FREM1: variants seen among roughly 807,000 people sequenced by gnomAD.
FREM1 encodes the protein FRAS1-related extracellular matrix protein 1.
A neutral mutation model predicts 210.1 loss-of-function variants in FREM1; 220 were observed. The observed-to-expected ratio is 1.05, with a 90% CI of 0.94 to 1.17. FREM1 has a LOEUF of 1.17. Ranked by LOEUF, FREM1 falls within the 50% of genes most tolerant of loss-of-function variation. FREM1 has a pLI of 0.00. For synonymous variants in FREM1, 1,189 were observed against 980.2 expected (o/e 1.21, Z -3.98); for missense variants, 3,454 against 2,675.5 (o/e 1.29, Z -6.42).
intron 34 of FREM1, 130 bp downstream of exon 34, chr9:14,746,793 C>A: frequency 2.6e-6 from 3 of 1,143,686 alleles, no homozygotes; most frequent in Non-Finnish European, 2.4e-6. Flanking sequence ...TTCCTCTTGG[C>A]CTTCAAGTTG....
chr9:14,785,181 C>T (rs997037466), intron 23 of FREM1, among the ~76,000 whole-genome samples: 1 of 152,146 alleles, frequency 6.6e-6, no homozygotes, highest in South Asian at 2.1e-4. Flanking sequence ...TACATGCAAC[C>T]CAAATGCCTT....
At chr9:14,884,148 G>C (rs937491632) in intron 1 of FREM1, among the ~76,000 whole-genome samples, 3 of 152,134 alleles carry the variant, frequency 2.0e-5, no homozygotes, top group African/African-American at 7.2e-5. Context: ...AGAATCTCTT[G>C]AACTTGGGAG....
intron 1 of FREM1, among the ~76,000 whole-genome samples, chr9:14,872,350 G>A (rs1832835813): frequency 6.6e-6 from 1 of 152,088 alleles, no homozygotes; most frequent in Admixed American, 6.5e-5. Flanking sequence ...TCATTGAGCA[G>A]TGGTTTGTAG....
chr9:14,880,736 G>C (rs908931637), intron 1 of FREM1, among the ~76,000 whole-genome samples: 1 of 151,870 alleles, frequency 6.6e-6, no homozygotes, highest in Non-Finnish European at 1.5e-5. Context: ...TAGATAACTT[G>C]AAAATAAACA....
chr9:14,770,863 C>T (rs1334771353), intron 25 of FREM1, 57 bp from the exon 26 acceptor site: 10 of 1,289,702 alleles, frequency 7.8e-6, no homozygotes, highest in South Asian at 2.6e-5. Context: ...CCCCATGCAA[C>T]GTTGGGCTTT....
chr9:14,869,330 G>A (rs984061926), intron 1 of FREM1, 86 bp from the exon 2 acceptor site: 1 of 204,760 alleles, frequency 4.9e-6, no homozygotes, highest in African/African-American at 2.3e-5. Context: ...ACCAACAAAG[G>A]GATCTTTCAA....
chr9:14,795,884 C>G (rs1852281237), intron 21 of FREM1, among the ~76,000 whole-genome samples: 1 of 152,118 alleles, frequency 6.6e-6, no homozygotes, highest in Non-Finnish European at 1.5e-5. Context: ...TGCCCCGGGG[C>G]CCTCACCCTG....
At position 14,850,175 on chromosome 9, in the gene FREM1, T is replaced by G. The variant is rs184234261; in HGVS notation, c.1152+1109A>C. ...TCTTTAAGCATGTGAAGCACTATTA[T>G]GTGGAAGACTTTAACCAGCTGTCCT... On this transcript the variant is annotated intron_variant, in intron 6 of 36. Transcript: ENST00000380880. Among the ~76,000 whole-genome samples the G allele has an allele frequency of 1.8e-3, 279 of 152,300 alleles. 1 individual carries two copies. The highest frequency in any genetic ancestry group is 0.01 in the Middle Eastern group (3 of 294).
intron 3 of FREM1, among the ~76,000 whole-genome samples, chr9:14,861,064 C>CATATACACAT (rs1830243830): frequency 7.3e-5 from 3 of 41,244 alleles, no homozygotes; most frequent in African/African-American, 2.1e-4. Context: ...CATATATACA[C>CATATACACAT]ATATACATAT....
intron 35 of FREM1, among the ~76,000 whole-genome samples, chr9:14,745,529 G>C (rs1392863060): frequency 1.3e-5 from 2 of 152,108 alleles, no homozygotes; most frequent in East Asian, 3.9e-4. Context: ...ACCTTTATCA[G>C]GTTTATGATT....
intron 5 of FREM1, among the ~76,000 whole-genome samples, chr9:14,854,647 G>A (rs981661072): frequency 6.6e-6 from 1 of 151,990 alleles, no homozygotes; most frequent in Admixed American, 6.6e-5. Context: ...CATCACTAGT[G>A]AAAGATATAA....
intron 1 of FREM1, among the ~76,000 whole-genome samples, chr9:14,881,472 G>C (rs1454535294): frequency 6.6e-6 from 1 of 152,096 alleles, no homozygotes; most frequent in African/African-American, 2.4e-5. Context: ...AATATGTTTT[G>C]GTTTAGCACT....
intron 20 of FREM1, among the ~76,000 whole-genome samples, chr9:14,801,261 G>A (rs572423308): frequency 6.6e-6 from 1 of 152,340 alleles, no homozygotes; most frequent in Non-Finnish European, 1.5e-5. Context: ...GTCTCCCAAA[G>A]TTTTGGGATT....
In FREM1 at chr9:14,765,103, T is replaced by C. The variant is rs150350103; in HGVS notation, c.5204+4621A>G. 2.6e-5 allele frequency among the ~76,000 whole-genome samples: 4 copies of C among 152,340 alleles called. No individual in the cohort carries two copies. In the East Asian group the frequency reaches 7.7e-4, roughly 29 times the overall value. On this transcript the variant is annotated intron_variant, in intron 27 of 36. Coordinates refer to ENST00000380880, the MANE Select transcript of FREM1 (RefSeq NM_001379081.2). ...TTAAATTACTATCCTTATAACTATA[T>C]CTTCATTTATAATCAAGTAGCATGT...
At chr9:14,823,018 T>C (rs1442040598) in intron 13 of FREM1, 142 bp downstream of exon 13, 4 of 517,568 alleles carry the variant, frequency 7.7e-6, no homozygotes, top group East Asian at 6.6e-5. Context: ...TTTTTTCTTC[T>C]TTTTTTTACT....
chr9:14,758,781 T>TA (rs956350287), intron 28 of FREM1, among the ~76,000 whole-genome samples: 1 of 151,954 alleles, frequency 6.6e-6, no homozygotes, highest in African/African-American at 2.4e-5. Context: ...TAACGACTCC[T>TA]AAAAAAAATT....
intron 1 of FREM1, among the ~76,000 whole-genome samples, chr9:14,885,755 C>T (rs1261316249): frequency 2.0e-5 from 3 of 152,286 alleles, no homozygotes; most frequent in African/African-American, 4.8e-5. Flanking sequence ...TATACATACA[C>T]TGTTGTGTCA....
chr9:14,806,576 T>C, intron 18 of FREM1, 85 bp downstream of exon 18: 1 of 840,046 alleles, frequency 1.2e-6, no homozygotes, highest in East Asian at 2.7e-5. Context: ...TGAAAGTCCT[T>C]ACAAAGTTAT....
chr9:14,799,199 T>A (rs1439876287), intron 20 of FREM1, among the ~76,000 whole-genome samples: 1 of 151,400 alleles, frequency 6.6e-6, no homozygotes. Context: ...GGTCAGAGGA[T>A]CACTTGAGCC....
Sources: gnomAD v4.1 joint callset for allele counts (sites outside exome capture counted in the v4.1 genomes callset) on GRCh38, gnomAD v4.1.1 for gene constraint, MANE v1.5 for transcripts, NCBI Gene and HGNC (gene_info 2026-07-23, HGNC 2026-07-21) for gene names.